ACAN: variants seen among roughly 807,000 people sequenced by gnomAD.
ACAN encodes aggrecan core protein.
Under a neutral mutation model 169.1 loss-of-function variants are expected in ACAN, and 47 were observed. The observed-to-expected ratio is 0.28, with a 90% CI of 0.22 to 0.35. ACAN has a LOEUF of 0.35. Ranked by LOEUF, ACAN falls within the 10% of genes least tolerant of loss-of-function variation. ACAN has a pLI of 1.00. For missense variants in ACAN, 2,716 were observed against 2,759.9 expected (o/e 0.98, Z 0.36); for synonymous variants, 1,115 against 1,112.2 (o/e 1.00, Z -0.05).
intron 1 of ACAN, among the ~76,000 whole-genome samples, chr15:88,830,237 A>G (rs1446564878): frequency 1.3e-5 from 2 of 152,256 alleles, no homozygotes; most frequent in African/African-American, 2.4e-5. Context: ...GGACAGCACA[A>G]TGAATGGAGA....
At position 88,874,196 on chromosome 15, in the gene ACAN, C is replaced by T. The variant is rs182133993; in HGVS notation, c.7630+172C>T. The T allele has an allele frequency of 3.7e-5, 39 of 1,046,260 alleles. No individual in the cohort carries two copies. The highest frequency in any genetic ancestry group is 4.8e-5 in the Non-Finnish European group (34 of 701,260). The allele number at this position is 1,046,260 out of a possible 1,614,324, so 64.8% of individuals were successfully genotyped here. A position where few individuals can be genotyped will look rare whatever the true frequency, so the allele number is the denominator to read the frequency against. On this transcript the variant is annotated intron_variant, in intron 18 of 18. Coordinates refer to ENST00000560601, the MANE Select transcript of ACAN (RefSeq NM_001369268.1). The surrounding 1 kb of genome is among the most constrained non-coding windows in gnomAD (Gnocchi z 7.3). ...CTGACCACTGCCCTTAGAAGGGCCA[C>T]GTACTTGTCCCAGGAGAGGGCTCAC... is the stretch of plus-strand genomic sequence containing the variant.
intron 1 of ACAN, among the ~76,000 whole-genome samples, chr15:88,833,368 C>T (rs948438230): frequency 4.6e-5 from 7 of 152,170 alleles, no homozygotes; most frequent in African/African-American, 1.7e-4. Context: ...CCCCTTCCTG[C>T]TCCCCAAGCT....
chr15:88,864,873 G>A (rs1372140769), intron 13 of ACAN, among the ~76,000 whole-genome samples: 1 of 152,216 alleles, frequency 6.6e-6, no homozygotes, highest in Non-Finnish European at 1.5e-5. Flanking sequence ...TAGTCTTTAT[G>A]AGTGGCAACC....
At chr15:88,854,346 G>T (rs542452395) in intron 11 of ACAN, among the ~76,000 whole-genome samples, 9 of 152,284 alleles carry the variant, frequency 5.9e-5, no homozygotes, top group African/African-American at 2.2e-4. Flanking sequence ...TGGGGCTGGG[G>T]TGAGGTCTAG....
chr15:88,847,130 A>T, intron 7 of ACAN, 113 bp from the exon 8 acceptor site: 1 of 1,184,640 alleles, frequency 8.4e-7, no homozygotes, highest in South Asian at 1.7e-5. Flanking sequence ...TGCATTGCCC[A>T]GATAAATCCA....
intron 13 of ACAN, among the ~76,000 whole-genome samples, chr15:88,863,161 G>C (rs12101886): frequency 0.029 from 4,379 of 152,128 alleles, 201 homozygotes; most frequent in African/African-American, 0.1. Context: ...AAAAAAAATT[G>C]ACAATTACTG....
Position 88,871,608 on chromosome 15 carries a change from A to G in ACAN, c.7219+68A>G. On this transcript the variant is annotated intron_variant, in intron 15 of 18. Coordinates refer to ENST00000560601, the MANE Select transcript of ACAN (RefSeq NM_001369268.1). This position sits in a 1 kb window ranked among gnomAD's most constrained non-coding sequence, Gnocchi z 7.8. ...GTGTAGGCAAAGGGCCTCACCTTTC[A>G]GAAGGCAGCAGATTTGGGCCTCGTG... 1 of 1,520,678 alleles carries G rather than the reference A, an allele frequency of 6.6e-7. No homozygotes were observed. Among genetic ancestry groups the G allele is most frequent in the Non-Finnish European group, 8.8e-7 (1 of 1,133,466 alleles). 94.2% of individuals were successfully genotyped at this position (1,520,678 alleles called of 1,614,324 possible).
intron 1 of ACAN, among the ~76,000 whole-genome samples, chr15:88,812,976 A>C (rs966254962): frequency 6.6e-6 from 1 of 152,202 alleles, no homozygotes; most frequent in African/African-American, 2.4e-5. Context: ...TTTGTAGGTG[A>C]AAAGGATCTC....
chr15:88,873,902 G>C lies in ACAN; in HGVS notation c.7508G>C (p.Arg2503Pro), dbSNP rs529444135. The C allele has an allele frequency of 6.2e-7, 1 of 1,613,842 alleles. No homozygotes were observed. The highest frequency in any genetic ancestry group is 8.5e-7 in the Non-Finnish European group (1 of 1,179,906). ...AGGACCTTCGGGCAGAAGAAGGACCGGTATGAGATCAATTCCCTGGTGCGG... is the reference window on the plus strand; with the variant it reads ...AGGACCTTCGGGCAGAAGAAGGACCCGTATGAGATCAATTCCCTGGTGCGG... ...HARTFGQKKD[R>P]YEINSLVRYQ... Residue 2503 changes from arginine to proline, a missense_variant, in exon 18 of 19, where the codon CGG becomes CCG. Around this residue, in one of 3 missense-constraint regions of ACAN, gnomAD observed 1,389 missense variants for 1,363.7 expected, o/e 1.02. Coordinates refer to ENST00000560601, the MANE Select transcript of ACAN (RefSeq NM_001369268.1). This position sits in a 1 kb window ranked among gnomAD's most constrained non-coding sequence, Gnocchi z 7.5.
intron 1 of ACAN, among the ~76,000 whole-genome samples, chr15:88,813,804 G>C (rs142728011): frequency 6.6e-6 from 1 of 152,294 alleles, no homozygotes; most frequent in Non-Finnish European, 1.5e-5. Flanking sequence ...TCGTGACTTT[G>C]TAGATCTCAG....
rs559189679 is a variant in ACAN at position 88,855,428 on chromosome 15, C to T, written c.2843C>T (p.Ala948Val). 384 of 1,613,346 alleles carry T rather than the reference C, an allele frequency of 2.4e-4. 4 individuals are homozygous for T. In the South Asian group the frequency reaches 3.3e-3, roughly 14 times the overall value. ...GGAGCTGAGATCCTAGAGGGCTCTG[C>T]CTCTGGAGTTGGGGATCTCAGTGGA... is the stretch of plus-strand genomic sequence containing the variant. ...PSGAEILEGS[A>V]SGVGDLSGLP... Residue 948 changes from alanine to valine, a missense_variant, in exon 12 of 19, where the codon GCC becomes GTC. Around this residue, in one of 3 missense-constraint regions of ACAN, gnomAD observed 1,283 missense variants for 1,281.5 expected, o/e 1.00. Transcript: ENST00000560601.
chr15:88,841,676 G>C (rs1896664192), intron 4 of ACAN, 64 bp from the exon 5 acceptor site: 3 of 1,598,786 alleles, frequency 1.9e-6, no homozygotes, highest in African/African-American at 1.3e-5. Context: ...AGGATTCAAA[G>C]GCAGAGGCCA....
At chr15:88,860,675 T>A (rs1466932761) in intron 13 of ACAN, among the ~76,000 whole-genome samples, 1 of 152,230 alleles carries the variant, frequency 6.6e-6, no homozygotes, top group African/African-American at 2.4e-5. Flanking sequence ...AGTATTTTTA[T>A]ATCAGGCTGA....
chr15:88,839,468 G>A lies in ACAN; in HGVS notation c.454+422G>A, dbSNP rs141485272. Reference sequence around the variant, plus strand: ...TTCTCAGTTCCAGAAGCCAAAGCAAGGGCTGAAGACTCCCTGGTCTCTTTC... The same window carrying A: ...TTCTCAGTTCCAGAAGCCAAAGCAAAGGCTGAAGACTCCCTGGTCTCTTTC... On this transcript the variant is annotated intron_variant, in intron 3 of 18. Coordinates refer to ENST00000560601, the MANE Select transcript of ACAN (RefSeq NM_001369268.1). This position sits in a 1 kb window ranked among gnomAD's most constrained non-coding sequence, Gnocchi z 4.5. 2.2e-3 allele frequency among the ~76,000 whole-genome samples: 338 copies of A among 152,328 alleles called. 3 individuals carry two copies. Among genetic ancestry groups the A allele is most frequent in the African/African-American group, 7.5e-3 (311 of 41,570 alleles).
At chr15:88,804,611 C>T (rs568848190) in intron 1 of ACAN, among the ~76,000 whole-genome samples, 1 of 152,276 alleles carries the variant, frequency 6.6e-6, no homozygotes, top group Non-Finnish European at 1.5e-5. Flanking sequence ...GAGCAGGAGC[C>T]CTTTCCAACC....
chr15:88,845,441 T>A, intron 6 of ACAN, 64 bp from the exon 7 acceptor site: 2 of 1,534,944 alleles, frequency 1.3e-6, no homozygotes, highest in South Asian at 2.6e-5. Flanking sequence ...TCCAGCCCAC[T>A]CCTCATCCCC....
chr15:88,815,828 A>G (rs1359644496), intron 1 of ACAN, among the ~76,000 whole-genome samples: 1 of 152,192 alleles, frequency 6.6e-6, no homozygotes, highest in East Asian at 1.9e-4. Flanking sequence ...GTTACCTTGT[A>G]TTCATTTCCT....
chr15:88,836,704 G>A lies in ACAN; in HGVS notation c.70+428G>A, dbSNP rs116080298. On this transcript the variant is annotated intron_variant, in intron 2 of 18. Transcript: ENST00000560601. ...TCACTTGGGAGACAGCCAGAGAAAA[G>A]CCCCAGGGAATCAGACAGGTCTTTG... 5.8e-3 allele frequency among the ~76,000 whole-genome samples: 890 copies of A among 152,340 alleles called. 10 individuals are homozygous for A. Among genetic ancestry groups the A allele is most frequent in the African/African-American group, 0.02 (822 of 41,574 alleles).
chr15:88,813,357 T>C (rs970445381), intron 1 of ACAN, among the ~76,000 whole-genome samples: 4 of 152,270 alleles, frequency 2.6e-5, no homozygotes, highest in African/African-American at 9.6e-5. Flanking sequence ...CACTCTGCTC[T>C]TGTCATATAT....
Sources: gnomAD v4.1 joint callset for allele counts (sites outside exome capture counted in the v4.1 genomes callset) on GRCh38, gnomAD v4.1.1 for gene constraint, gnomAD v4.1.1 regional missense constraint, Gnocchi (gnomAD v3.1) non-coding constraint, MANE v1.5 for transcripts, NCBI Gene and HGNC (gene_info 2026-07-23, HGNC 2026-07-21) for gene names.